MAGI2: variants seen among roughly 807,000 people sequenced by gnomAD.
MAGI2 encodes membrane-associated guanylate kinase, WW and PDZ domain-containing protein 2.
A neutral mutation model predicts 133.3 loss-of-function variants in MAGI2; 35 were observed. That is an observed-to-expected ratio of 0.26 (90% confidence interval 0.20 to 0.35). The LOEUF (loss-of-function observed/expected upper bound fraction) is 0.35. MAGI2 is among the 10% of genes least tolerant of loss of function. MAGI2 has a pLI of 1.00. For missense variants in MAGI2, 1,636 were observed against 1,863.4 expected (o/e 0.88, Z 2.25); for synonymous variants, 729 against 710.6 (o/e 1.03, Z -0.41).
chr7:78,411,192 C>A (rs975947464), intron 6 of MAGI2, among the ~76,000 whole-genome samples: 2 of 151,818 alleles, frequency 1.3e-5, no homozygotes, highest in African/African-American at 4.8e-5. Flanking sequence ...CAAAGCCAGT[C>A]AAGGGAGGGT....
rs374869388 is a variant in MAGI2, at chr7:79,104,965, A to T, written c.302-97759T>A. Among the ~76,000 whole-genome samples the T allele has an allele frequency of 3.3e-5, 5 of 152,256 alleles. No homozygotes were observed. In the East Asian group the frequency reaches 9.7e-4, roughly 29 times the overall value. On this transcript the variant is annotated intron_variant, in intron 1 of 21. Transcript: ENST00000354212. ...CTCCTGTCTTTTAAATCCTTGAAGGATTTTCATTCATTGGTGAACTTCTTT... is the reference window on the plus strand; with the variant it reads ...CTCCTGTCTTTTAAATCCTTGAAGGTTTTTCATTCATTGGTGAACTTCTTT...
intron 2 of MAGI2, among the ~76,000 whole-genome samples, chr7:78,884,444 T>C (rs999810196): frequency 1.3e-5 from 2 of 152,146 alleles, no homozygotes; most frequent in Non-Finnish European, 2.9e-5. Context: ...GCCACTGCAT[T>C]GCAGCCTGGG....
chr7:79,193,333 C>T (rs1827825259), intron 1 of MAGI2, among the ~76,000 whole-genome samples: 1 of 151,908 alleles, frequency 6.6e-6, no homozygotes, highest in Non-Finnish European at 1.5e-5. Context: ...CCTTTCAGTT[C>T]TTCCTTACTC....
intron 1 of MAGI2, among the ~76,000 whole-genome samples, chr7:79,387,452 G>A (rs1041943372): frequency 6.6e-5 from 10 of 151,846 alleles, no homozygotes; most frequent in South Asian, 2.1e-4. Flanking sequence ...ACACTACCAC[G>A]AAAGTAACAT....
chr7:78,552,945 G>C (rs1196348167), intron 3 of MAGI2, among the ~76,000 whole-genome samples: 1 of 152,128 alleles, frequency 6.6e-6, no homozygotes, highest in Non-Finnish European at 1.5e-5. Context: ...AGGTCAGTGA[G>C]CTCCAGGCAA....
intron 9 of MAGI2, among the ~76,000 whole-genome samples, chr7:78,331,313 A>G (rs946535601): frequency 2.4e-5 from 3 of 124,688 alleles, no homozygotes; most frequent in African/African-American, 6.5e-5. Flanking sequence ...GCGTCACGCA[A>G]TATACCTATG....
intron 9 of MAGI2, among the ~76,000 whole-genome samples, chr7:78,263,237 G>A (rs1793685473): frequency 1.3e-5 from 2 of 152,170 alleles, no homozygotes; most frequent in Non-Finnish European, 2.9e-5. Context: ...CACCTAGATT[G>A]ATTCCATGCC....
intron 2 of MAGI2, among the ~76,000 whole-genome samples, chr7:78,931,269 T>C (rs1391373416): frequency 6.6e-6 from 1 of 152,084 alleles, no homozygotes; most frequent in African/African-American, 2.4e-5. Flanking sequence ...TTGATTTTTT[T>C]TTAAAAGGGA....
At chr7:78,799,366 G>A (rs546321836) in intron 2 of MAGI2, among the ~76,000 whole-genome samples, 1 of 152,134 alleles carries the variant, frequency 6.6e-6, no homozygotes, top group African/African-American at 2.4e-5. Flanking sequence ...GCAGGGGAGA[G>A]TCCTGAATTC....
intron 2 of MAGI2, among the ~76,000 whole-genome samples, chr7:78,922,349 C>A (rs1366842114): frequency 2.0e-5 from 3 of 151,782 alleles, no homozygotes; most frequent in Non-Finnish European, 4.4e-5. Flanking sequence ...CCCCTGCCCC[C>A]ACCCCACAAC....
chr7:78,573,035 G>GTATATATA (rs765938732), intron 3 of MAGI2, among the ~76,000 whole-genome samples: 41 of 31,666 alleles, frequency 1.3e-3, no homozygotes, highest in Non-Finnish European at 1.8e-3. Context: ...GCATATGTAT[G>GTATATATA]TATATATATA....
intron 2 of MAGI2, among the ~76,000 whole-genome samples, chr7:78,635,712 G>C (rs1809557115): frequency 1.3e-5 from 2 of 152,244 alleles, no homozygotes; most frequent in Admixed American, 1.3e-4. Flanking sequence ...TTTGACCTTT[G>C]ATTAACTATC....
chr7:78,449,333 C>A (rs1217939564), intron 6 of MAGI2, among the ~76,000 whole-genome samples: 1 of 152,058 alleles, frequency 6.6e-6, no homozygotes, highest in Non-Finnish European at 1.5e-5. Context: ...TGCATGCCAT[C>A]TGCACTATTG....
At chr7:78,188,947 T>C (rs75971055) in intron 12 of MAGI2, among the ~76,000 whole-genome samples, 325 of 152,248 alleles carry the variant, frequency 2.1e-3, no homozygotes, top group African/African-American at 7.1e-3. Flanking sequence ...GATACTACCA[T>C]ATATGATGCG....
intron 6 of MAGI2, among the ~76,000 whole-genome samples, chr7:78,460,528 C>T (rs951449875): frequency 6.6e-6 from 1 of 152,154 alleles, no homozygotes; most frequent in African/African-American, 2.4e-5. Flanking sequence ...GCAGATGCAC[C>T]TGCCAGCAAT....
At chr7:78,977,241 C>T (rs554182743) in intron 2 of MAGI2, among the ~76,000 whole-genome samples, 1 of 151,648 alleles carries the variant, frequency 6.6e-6, no homozygotes, top group East Asian at 2.0e-4. Context: ...AAAGAGAACA[C>T]ATCACATATA....
intron 1 of MAGI2, among the ~76,000 whole-genome samples, chr7:79,445,186 ATGT>A (rs1439686843): frequency 1.3e-5 from 2 of 152,220 alleles, no homozygotes; most frequent in African/African-American, 4.8e-5. Context: ...AAAGACTTAA[ATGT>A]TAGACCTAAA....
intron 9 of MAGI2, among the ~76,000 whole-genome samples, chr7:78,320,474 A>T (rs963203172): frequency 6.6e-6 from 1 of 152,236 alleles, no homozygotes; most frequent in Non-Finnish European, 1.5e-5. Context: ...CAACATTTGC[A>T]AATCAATAAA....
At chr7:79,387,090 AT>A in intron 1 of MAGI2, among the ~76,000 whole-genome samples, 1 of 88,692 alleles carries the variant, frequency 1.1e-5, no homozygotes, top group East Asian at 3.6e-4. Context: ...ACAAATTTTT[AT>A]GCTTGTGTGT....
Sources: allele counts gnomAD v4.1 joint callset (sites outside exome capture counted in the v4.1 genomes callset), GRCh38; gene constraint gnomAD v4.1.1; transcripts MANE v1.5; gene names NCBI Gene and HGNC (gene_info 2026-07-23, HGNC 2026-07-21).